The following LRP1B variants were observed in gnomAD, a reference collection of about 807,000 sequenced individuals.
The protein encoded by LRP1B is LDL receptor related protein 1B, also known as low-density lipoprotein receptor-related protein 1B.
Under a neutral mutation model 556.6 loss-of-function variants are expected in LRP1B, and 217 were observed. That is an observed-to-expected ratio of 0.39 (90% CI 0.35 to 0.44). The LOEUF is 0.44. Among genes scored for constraint, LRP1B ranks in the 20% least tolerant of loss-of-function variants. The pLI is 1.00. For synonymous variants in LRP1B, 2,047 were observed against 1,865.8 expected, an observed-to-expected ratio of 1.10 and a Z score of -2.50; for missense variants, 5,053 against 5,620.8, an observed-to-expected ratio of 0.90 and a Z score of 3.23.
At chr2:141,892,272 T>C (rs1213372253) in intron 1 of LRP1B, among the ~76,000 whole-genome samples, 1 of 151,992 alleles carries the variant, frequency 6.6e-6, no homozygotes, top group Non-Finnish European at 1.5e-5. Context: ...TTAAAAATTA[T>C]ATTAAATGCA....
intron 2 of LRP1B, among the ~76,000 whole-genome samples, chr2:141,571,491 G>A (rs1343092454): frequency 6.7e-6 from 1 of 148,876 alleles, no homozygotes; most frequent in Non-Finnish European, 1.5e-5. Flanking sequence ...AAGAAAAAAT[G>A]CTGAAAACTC....
intron 1 of LRP1B, among the ~76,000 whole-genome samples, chr2:141,978,737 AAAC>A (rs1424043180): frequency 2.6e-5 from 4 of 152,148 alleles, no homozygotes; most frequent in South Asian, 2.1e-4. Flanking sequence ...CCGATTAAAA[AAAC>A]ATCATCATTT....
At chr2:141,927,238 TTATTA>T (rs1338074142) in intron 1 of LRP1B, among the ~76,000 whole-genome samples, 2 of 152,134 alleles carry the variant, frequency 1.3e-5, no homozygotes, top group East Asian at 3.9e-4. Context: ...GACTGCTGAA[TTATTA>T]TAAACAGTCA....
chr2:141,663,518 C>A (rs866499838), intron 2 of LRP1B, among the ~76,000 whole-genome samples: 9 of 151,990 alleles, frequency 5.9e-5, no homozygotes, highest in African/African-American at 2.2e-4. Flanking sequence ...TCACCACTGA[C>A]CCCACATAAA....
chr2:140,300,863 G>C (rs895667754), intron 83 of LRP1B, among the ~76,000 whole-genome samples: 1 of 152,038 alleles, frequency 6.6e-6, no homozygotes, highest in Non-Finnish European at 1.5e-5. Context: ...AGAAAGCACA[G>C]AGTTATATTT....
chr2:141,254,533 C>T lies in LRP1B; in HGVS notation c.452G>A (p.Arg151Lys). The change falls in exon 4 of 91, where the codon AGA (arginine) becomes AAA (lysine). Residue 151 changes from arginine to lysine, a missense_variant. Physicochemically the swap from Arg to Lys is conservative, Grantham distance 26 (BLOSUM62 2). Coordinates refer to ENST00000389484, the MANE Select transcript of LRP1B (RefSeq NM_018557.3). ...EDGFEITEDG[R>K]SCKDQDECAV... ...TATGTTTTACTTACCTTTACAGCTT[C>T]TCCCATCTTCTGTTATTTCGAATCC... The T allele has an allele frequency of 8.1e-6, 13 of 1,611,846 alleles. 1 individual carries two copies. The highest frequency in any genetic ancestry group is 1.1e-5 in the Non-Finnish European group (13 of 1,178,554).
chr2:141,855,160 G>A (rs1316891884), intron 1 of LRP1B, among the ~76,000 whole-genome samples: 1 of 151,978 alleles, frequency 6.6e-6, no homozygotes, highest in African/African-American at 2.4e-5. Flanking sequence ...CTCTCAAGAT[G>A]AAGCAGCCAT....
At chr2:141,022,467 T>C (rs1698092687) in intron 11 of LRP1B, among the ~76,000 whole-genome samples, 1 of 152,024 alleles carries the variant, frequency 6.6e-6, no homozygotes, top group South Asian at 2.1e-4. Flanking sequence ...TCTCCACAAA[T>C]ATACATTGAT....
chr2:140,357,006 A>G (rs1682254227), intron 74 of LRP1B, among the ~76,000 whole-genome samples: 1 of 151,782 alleles, frequency 6.6e-6, no homozygotes, highest in East Asian at 1.9e-4. Context: ...TTGAGTGTGT[A>G]ATGTGCTCAT....
chr2:140,977,502 C>T lies in LRP1B; in HGVS notation c.2887+4658G>A, dbSNP rs746144888. On this transcript the variant is annotated intron_variant, in intron 18 of 90. Coordinates refer to ENST00000389484, the MANE Select transcript of LRP1B (RefSeq NM_018557.3). ...AATTTTGCATATATAGACATTCTTACGTTACATAGTGCACAGATGATAAAA... is the reference window on the plus strand; with the variant it reads ...AATTTTGCATATATAGACATTCTTATGTTACATAGTGCACAGATGATAAAA... 2.6e-5 allele frequency among the ~76,000 whole-genome samples: 4 copies of T among 152,148 alleles called. No homozygotes were observed. In the South Asian group the frequency reaches 8.3e-4, roughly 32 times the overall value.
chr2:140,317,786 G>A (rs1573780272), intron 82 of LRP1B, among the ~76,000 whole-genome samples: 1 of 152,106 alleles, frequency 6.6e-6, no homozygotes, highest in East Asian at 1.9e-4. Flanking sequence ...AAAACCACAA[G>A]GATTTTCAAA....
chr2:140,666,149 G>A (rs1272025694), intron 41 of LRP1B, among the ~76,000 whole-genome samples: 1 of 151,886 alleles, frequency 6.6e-6, no homozygotes, highest in Non-Finnish European at 1.5e-5. Flanking sequence ...GCCTGCCACT[G>A]TGCCCGGCTA....
At chr2:141,125,636 A>G (rs1701183102) in intron 7 of LRP1B, among the ~76,000 whole-genome samples, 1 of 152,264 alleles carries the variant, frequency 6.6e-6, no homozygotes, top group African/African-American at 2.4e-5. Context: ...GCTCTAGCTA[A>G]GAACTAGCTG....
At chr2:141,065,145 T>C (rs773220460) in intron 7 of LRP1B, among the ~76,000 whole-genome samples, 4 of 151,918 alleles carry the variant, frequency 2.6e-5, no homozygotes, top group Non-Finnish European at 4.4e-5. Context: ...GTAGAATGGA[T>C]GCCTATACCC....
intron 1 of LRP1B, among the ~76,000 whole-genome samples, chr2:141,871,012 A>G (rs1698569212): frequency 6.6e-6 from 1 of 151,908 alleles, no homozygotes; most frequent in Non-Finnish European, 1.5e-5. Context: ...AGCTAAACCC[A>G]TCATTGTGTA....
chr2:140,239,941 A>G (rs1028809258), intron 87 of LRP1B, among the ~76,000 whole-genome samples: 1 of 150,890 alleles, frequency 6.6e-6, no homozygotes, highest in Non-Finnish European at 1.5e-5. Flanking sequence ...TTGTTCCTTT[A>G]GTCATCCATA....
intron 66 of LRP1B, among the ~76,000 whole-genome samples, chr2:140,411,846 G>T (rs983274826): frequency 6.6e-6 from 1 of 151,994 alleles, no homozygotes; most frequent in African/African-American, 2.4e-5. Context: ...ATCTCTTCCT[G>T]TTACCTCAGT....
intron 35 of LRP1B, among the ~76,000 whole-genome samples, chr2:140,753,180 G>T (rs1231452616): frequency 1.3e-5 from 2 of 152,042 alleles, no homozygotes; most frequent in East Asian, 3.8e-4. Context: ...TTCCAGTTTA[G>T]ATCAAAGAAA....
intron 41 of LRP1B, among the ~76,000 whole-genome samples, chr2:140,646,780 A>G (rs1684499958): frequency 6.6e-6 from 1 of 152,116 alleles, no homozygotes; most frequent in South Asian, 2.1e-4. Context: ...AGATATATAT[A>G]TAAATGTATA....
Sources: allele counts gnomAD v4.1 joint callset (sites outside exome capture counted in the v4.1 genomes callset), GRCh38; gene constraint gnomAD v4.1.1; transcripts MANE v1.5; gene names NCBI Gene and HGNC (gene_info 2026-07-23, HGNC 2026-07-21).